GNAO1: variants seen among roughly 807,000 people sequenced by gnomAD.
GNAO1 encodes G protein subunit alpha o1.
For synonymous variants in GNAO1, 164 were observed against 180.7 expected (o/e 0.91, Z 0.74); for missense variants, 166 against 478.7 (o/e 0.35, Z 6.10).
At chr16:56,212,619 A>G (rs1452687596) in intron 2 of GNAO1, among the ~76,000 whole-genome samples, 1 of 152,246 alleles carries the variant, frequency 6.6e-6, no homozygotes, top group East Asian at 1.9e-4. Flanking sequence ...CTCTTCTAGA[A>G]GTAGAGTGTT....
chr16:56,278,821 T>C (rs1277574556), intron 3 of GNAO1, among the ~76,000 whole-genome samples: 1 of 152,128 alleles, frequency 6.6e-6, no homozygotes, highest in Non-Finnish European at 1.5e-5. Context: ...GGAATGAGCC[T>C]GGCGCAGAGG....
chr16:56,287,945 C>T (rs1265314730), intron 3 of GNAO1, among the ~76,000 whole-genome samples: 5 of 152,160 alleles, frequency 3.3e-5, no homozygotes, highest in African/African-American at 4.8e-5. Flanking sequence ...CTGCATAGAC[C>T]GTGCACCAGT....
At chr16:56,342,526 CCCTGAGCCTA>C (rs1287713115) in intron 6 of GNAO1, among the ~76,000 whole-genome samples, 5 of 152,248 alleles carry the variant, frequency 3.3e-5, no homozygotes, top group Non-Finnish European at 7.3e-5. Flanking sequence ...ACTCTCCTCT[CCCTGAGCCTA>C]CCTGAGAACC....
chr16:56,334,057 C>T (rs2550298), intron 4 of GNAO1, among the ~76,000 whole-genome samples: 65,463 of 152,226 alleles, frequency 0.43, 14,617 homozygotes, highest in East Asian at 0.75. Flanking sequence ...TCTGTCCCCA[C>T]AGCAGGAGGT....
chr16:56,261,800 C>T (rs1163854177), intron 2 of GNAO1, among the ~76,000 whole-genome samples: 1 of 152,186 alleles, frequency 6.6e-6, no homozygotes, highest in African/African-American at 2.4e-5. Flanking sequence ...AGTAACCAGG[C>T]ACCCCCTTTC....
At chr16:56,301,110 G>A (rs1307451361) in intron 3 of GNAO1, 3 of 152,276 alleles carry the variant, frequency 2.0e-5, no homozygotes, top group African/African-American at 7.2e-5. Context: ...CAGCCTGTGT[G>A]GCTGGGGTGG....
chr16:56,291,978 G>A (rs1423833057), intron 3 of GNAO1, among the ~76,000 whole-genome samples: 2 of 152,186 alleles, frequency 1.3e-5, no homozygotes, highest in Non-Finnish European at 2.9e-5. Flanking sequence ...TTTTGAGCAC[G>A]CGAATTGTGG....
chr16:56,286,947 C>G (rs1353083911), intron 3 of GNAO1, among the ~76,000 whole-genome samples: 2 of 152,198 alleles, frequency 1.3e-5, no homozygotes, highest in African/African-American at 4.8e-5. Flanking sequence ...GGGCTACCAG[C>G]TGTGCTGCCC....
intron 3 of GNAO1, among the ~76,000 whole-genome samples, chr16:56,285,406 C>T (rs994026955): frequency 2.0e-5 from 3 of 152,172 alleles, no homozygotes; most frequent in Admixed American, 1.3e-4. Flanking sequence ...TCTTCTACCC[C>T]CACCAAACCC....
intron 6 of GNAO1, chr16:56,345,593 G>A (rs2037858512): frequency 1.0e-6 from 1 of 985,360 alleles, no homozygotes. Flanking sequence ...CGGACTGCAG[G>A]AGCCACCCCA....
chr16:56,328,679 G>A lies in GNAO1; in HGVS notation c.352G>A (p.Glu118Lys). 4 of 1,614,240 alleles carry A rather than the reference G, an allele frequency of 2.5e-6. No individual in the cohort carries two copies. The highest frequency in any genetic ancestry group is 1.3e-5 in the African/African-American group (1 of 75,080). Residue 118 changes from glutamate to lysine, a missense_variant, in exon 4 of 9, where the codon GAG (glutamate) becomes AAG (lysine). Transcript: ENST00000262493. ...CDVVSRMEDT[E>K]PFSAELLSAM... ...TGTGGTGAGTCGGATGGAAGACACC[G>A]AGCCCTTCTCTGCAGAGCTGCTTTC...
chr16:56,249,776 TG>T lies in GNAO1; in HGVS notation c.162-26153del, dbSNP rs1322150445. 2.0e-5 allele frequency among the ~76,000 whole-genome samples: 3 copies of T among 152,306 alleles called. No homozygotes were observed. In the East Asian group the frequency reaches 5.8e-4, roughly 29 times the overall value. ...CTCCCTGCAGCAGCTCCAGGCATTA[TG>T]GTTTCACCACCTAAATCAAGGGAAA... On this transcript the variant is annotated intron_variant, in intron 2 of 8. Transcript: ENST00000262493.
At chr16:56,297,528 T>A (rs1254922331) in intron 3 of GNAO1, among the ~76,000 whole-genome samples, 10 of 64,280 alleles carry the variant, frequency 1.6e-4, no homozygotes, top group African/African-American at 4.5e-4. Flanking sequence ...AACTGGTGTG[T>A]GTGTGTGTGT....
intron 1 of GNAO1, 35 bp downstream of exon 1, chr16:56,192,388 C>A (rs764230140): frequency 8.0e-7 from 1 of 1,256,284 alleles, no homozygotes; most frequent in Non-Finnish European, 1.2e-6. Flanking sequence ...ATCCCCCGAC[C>A]CCGGCCACTC....
rs201413721 is a variant in GNAO1 at position 56,192,633 on chromosome 16, T to C, written c.161+17T>C. On this transcript the variant is annotated intron_variant, in intron 2 of 8. Coordinates refer to ENST00000262493, the MANE Select transcript of GNAO1 (RefSeq NM_020988.3). ...GCAGATGAAGTAAGTCCCTGTGGCA[T>C]TGGGATTCGTACTTTTATTAAGAAT... 1.1e-3 allele frequency: 1,692 copies of C among 1,485,256 alleles called. 2 individuals carry two copies. Among genetic ancestry groups the C allele is most frequent in the Non-Finnish European group, 1.4e-3 (1,504 of 1,062,834 alleles). 92.0% of individuals were successfully genotyped at this position (1,485,256 alleles called of 1,614,324 possible).
chr16:56,224,012 G>T (rs1254750071), intron 2 of GNAO1, among the ~76,000 whole-genome samples: 4 of 152,226 alleles, frequency 2.6e-5, no homozygotes, highest in Non-Finnish European at 5.9e-5. Context: ...TCAAGTTCAA[G>T]CCTTTCATCT....
At chr16:56,330,177 G>A (rs1261995592) in intron 4 of GNAO1, among the ~76,000 whole-genome samples, 1 of 152,238 alleles carries the variant, frequency 6.6e-6, no homozygotes, top group Non-Finnish European at 1.5e-5. Context: ...CCCCGGGCCT[G>A]ATGAGCTCCC....
At chr16:56,308,742 A>G (rs1419728874) in intron 3 of GNAO1, among the ~76,000 whole-genome samples, 2 of 152,134 alleles carry the variant, frequency 1.3e-5, no homozygotes, top group Non-Finnish European at 2.9e-5. Context: ...ACCGGCACCC[A>G]CGGGGCTGGG....
chr16:56,344,221 C>T lies in GNAO1; in HGVS notation c.724-7163C>T, dbSNP rs115824598. ...TCTGTGTCATCTCTGAGTGCTTGAT[C>T]GGGAAGCTGGGGGGACAGGGCAGGG... On this transcript the variant is annotated intron_variant, in intron 6 of 8. Coordinates refer to ENST00000262493, the MANE Select transcript of GNAO1 (RefSeq NM_020988.3). 54 of 1,382,010 alleles carry T rather than the reference C, an allele frequency of 3.9e-5. No individual in the cohort carries two copies. In the South Asian group the frequency reaches 4.5e-4, roughly 12 times the overall value. The allele number at this position is 1,382,010 out of a possible 1,614,324, so 85.6% of individuals were successfully genotyped here.
Sources: allele counts gnomAD v4.1 joint callset (sites outside exome capture counted in the v4.1 genomes callset), GRCh38; gene constraint gnomAD v4.1.1; transcripts MANE v1.5; gene names NCBI Gene and HGNC (gene_info 2026-07-23, HGNC 2026-07-21).